The following EHMT1 variants were observed in gnomAD, a reference collection of about 807,000 sequenced individuals.
EHMT1 encodes the protein histone-lysine N-methyltransferase EHMT1.
Under a neutral mutation model 147.2 loss-of-function variants are expected in EHMT1, and 15 were observed. That is an observed-to-expected ratio of 0.10 (90% confidence interval 0.07 to 0.16). EHMT1 has a LOEUF of 0.16. Among genes scored for constraint, EHMT1 ranks in the 10% least tolerant of loss-of-function variants. The pLI is 1.00. For missense variants in EHMT1, 1,587 were observed against 1,772.4 expected (o/e 0.90, Z 1.88); for synonymous variants, 795 against 709.6 (o/e 1.12, Z -1.91).
intron 1 of EHMT1, among the ~76,000 whole-genome samples, chr9:137,647,845 C>G (rs965900246): frequency 6.6e-6 from 1 of 152,144 alleles, no homozygotes; most frequent in Admixed American, 6.5e-5. Context: ...AATCCACCCG[C>G]CTCGGCCTCC....
At chr9:137,783,717 C>T (rs942643369) in intron 15 of EHMT1, among the ~76,000 whole-genome samples, 1 of 152,142 alleles carries the variant, frequency 6.6e-6, no homozygotes, top group Non-Finnish European at 1.5e-5. Flanking sequence ...CCTGTCTCTG[C>T]CTTTCTTAGG....
intron 25 of EHMT1, chr9:137,834,094 G>A: frequency 1.7e-6 from 1 of 575,514 alleles, no homozygotes; most frequent in Non-Finnish European, 3.1e-6. Flanking sequence ...CAAGGGAACG[G>A]CCCGCACCAC....
chr9:137,744,838 T>C (rs1948412611), intron 6 of EHMT1, among the ~76,000 whole-genome samples: 1 of 152,270 alleles, frequency 6.6e-6, no homozygotes. Context: ...GCCCCAGCCT[T>C]GTCACAGCGG....
chr9:137,663,435 G>T (rs574272286), intron 1 of EHMT1, among the ~76,000 whole-genome samples: 113 of 152,310 alleles, frequency 7.4e-4, no homozygotes, highest in African/African-American at 2.6e-3. Flanking sequence ...GCAGCGTCCT[G>T]TGTGCTGGAG....
intron 1 of EHMT1, among the ~76,000 whole-genome samples, chr9:137,689,673 A>G (rs529153805): frequency 1.2e-4 from 18 of 152,364 alleles, no homozygotes; most frequent in African/African-American, 3.8e-4. Context: ...ACTGCACTCC[A>G]GTCTGGGTGA....
At chr9:137,620,871 A>G (rs942205329) in intron 1 of EHMT1, among the ~76,000 whole-genome samples, 3 of 152,210 alleles carry the variant, frequency 2.0e-5, no homozygotes, top group African/African-American at 7.2e-5. Flanking sequence ...ACACCTGATG[A>G]GAATGACAGC....
intron 4 of EHMT1, among the ~76,000 whole-genome samples, chr9:137,733,804 G>A (rs932905371): frequency 1.3e-5 from 2 of 152,160 alleles, no homozygotes; most frequent in African/African-American, 4.8e-5. Context: ...TAAAGACTAG[G>A]ATATTCAGAA....
At chr9:137,629,995 A>G (rs1046746952) in intron 1 of EHMT1, among the ~76,000 whole-genome samples, 9 of 152,362 alleles carry the variant, frequency 5.9e-5, no homozygotes, top group Admixed American at 5.9e-4. Flanking sequence ...TTTGAAAAAC[A>G]AAGCTAAAGT....
At chr9:137,753,974 G>A (rs745874883) in intron 7 of EHMT1, among the ~76,000 whole-genome samples, 197 bp from the exon 8 acceptor site, 9 of 152,308 alleles carry the variant, frequency 5.9e-5, no homozygotes, top group South Asian at 2.1e-4. Context: ...AAGGGACTGA[G>A]CTGAGAGAGT....
chr9:137,825,476 G>T (rs1197401281), intron 25 of EHMT1, among the ~76,000 whole-genome samples: 2 of 152,122 alleles, frequency 1.3e-5, no homozygotes, highest in Non-Finnish European at 2.9e-5. Context: ...ATGAGAAACT[G>T]CCCAGAGGTG....
At chr9:137,768,467 C>T (rs1473523060) in intron 10 of EHMT1, among the ~76,000 whole-genome samples, 1 of 144,498 alleles carries the variant, frequency 6.9e-6, no homozygotes, top group Non-Finnish European at 1.5e-5. Flanking sequence ...GATTCTTTTG[C>T]CTCAGCCTCC....
In EHMT1 at chr9:137,743,974, G is replaced by A. The variant is rs778201214; in HGVS notation, c.1054G>A (p.Asp352Asn). 92 of 1,613,854 alleles carry A rather than the reference G, an allele frequency of 5.7e-5. No homozygotes were observed. Among genetic ancestry groups the A allele is most frequent in the Non-Finnish European group, 7.2e-5 (85 of 1,179,978 alleles). ...CCTGGAGATGGACTCGGATGAGGAC[G>A]ACTCAGAGGAGCTCGAGGAGGACGA... ...ESLEMDSDED[D>N]SEELEEDDGH... Residue 352 changes from aspartate to asparagine, a missense_variant, in exon 6 of 27, where the codon GAC becomes AAC. By Grantham distance (23) the Asp-to-Asn change is conservative (BLOSUM62 1). Transcript: ENST00000460843.
chr9:137,719,881 A>G (rs1169124229), intron 3 of EHMT1, among the ~76,000 whole-genome samples: 2 of 116,590 alleles, frequency 1.7e-5, no homozygotes, highest in Non-Finnish European at 3.5e-5. Context: ...GACACAGTCG[A>G]GGTGCCGAAC....
At chr9:137,652,507 T>C (rs1392294403) in intron 1 of EHMT1, among the ~76,000 whole-genome samples, 1 of 150,576 alleles carries the variant, frequency 6.6e-6, no homozygotes, top group African/African-American at 2.4e-5. Context: ...CTGCCTCAGC[T>C]CCTGAGTAGC....
At chr9:137,633,823 ATTT>A (rs4030112) in intron 1 of EHMT1, among the ~76,000 whole-genome samples, 1 of 137,640 alleles carries the variant, frequency 7.3e-6, no homozygotes, top group Non-Finnish European at 1.6e-5. Context: ...TCACTTTCTA[ATTT>A]TTTTTTTTTT....
In EHMT1 at chr9:137,705,565, A is replaced by G. The variant is rs574345488; in HGVS notation, c.22-5402A>G. Among the ~76,000 whole-genome samples the G allele has an allele frequency of 2.0e-5, 3 of 152,210 alleles. No individual in the cohort carries two copies. The South Asian group carries it at 6.2e-4, about 32-fold the overall frequency. On this transcript the variant is annotated intron_variant, in intron 1 of 26. Coordinates refer to ENST00000460843, the MANE Select transcript of EHMT1 (RefSeq NM_024757.5). ...CTCTACATTGTGCACAAGTTGTGGCACTAAAAATGTAAGGTCTGTTGCTCA... is the reference window on the plus strand; with the variant it reads ...CTCTACATTGTGCACAAGTTGTGGCGCTAAAAATGTAAGGTCTGTTGCTCA...
chr9:137,621,763 T>G (rs1429533021), intron 1 of EHMT1, among the ~76,000 whole-genome samples: 1 of 152,164 alleles, frequency 6.6e-6, no homozygotes, highest in African/African-American at 2.4e-5. Flanking sequence ...ACTCAAGGCT[T>G]TTGTCTCAGC....
chr9:137,759,984 C>T (rs767745478), intron 9 of EHMT1, among the ~76,000 whole-genome samples: 5 of 152,154 alleles, frequency 3.3e-5, no homozygotes, highest in Non-Finnish European at 7.3e-5. Flanking sequence ...GATGAGAAGT[C>T]CTCTCCGTAT....
intron 1 of EHMT1, among the ~76,000 whole-genome samples, chr9:137,655,051 TGCAATG>T (rs1308386142): frequency 2.6e-5 from 4 of 151,602 alleles, no homozygotes; most frequent in African/African-American, 9.7e-5. Flanking sequence ...CAGGCTGGAG[TGCAATG>T]GCATGATCTC....
Sources: gnomAD v4.1 joint callset for allele counts (sites outside exome capture counted in the v4.1 genomes callset) on GRCh38, gnomAD v4.1.1 for gene constraint, MANE v1.5 for transcripts, NCBI Gene and HGNC (gene_info 2026-07-23, HGNC 2026-07-21) for gene names.